The following DNMBP variants were observed in gnomAD, a reference collection of about 807,000 sequenced individuals.
DNMBP encodes the protein dynamin-binding protein.
A neutral mutation model predicts 150.0 loss-of-function variants in DNMBP; 87 were observed. That is an observed-to-expected ratio of 0.58 (90% CI 0.49 to 0.69). The LOEUF is 0.69. Ranked by LOEUF, DNMBP falls within the 30% of genes least tolerant of loss-of-function variation. The pLI, the probability that DNMBP is intolerant of heterozygous loss-of-function variation, is 0.00. For missense variants in DNMBP, 1,774 were observed against 1,949.0 expected, an observed-to-expected ratio of 0.91 and a Z score of 1.69; for synonymous variants, 711 against 750.4, an observed-to-expected ratio of 0.95 and a Z score of 0.86.
chr10:99,954,055 C>T (rs982155320), intron 4 of DNMBP, among the ~76,000 whole-genome samples: 31 of 151,324 alleles, frequency 2.0e-4, no homozygotes, highest in Non-Finnish European at 3.2e-4. Flanking sequence ...TTTTTGGAGA[C>T]AGGGTCTCAC....
chr10:100,003,747 G>A (rs2041040227), intron 1 of DNMBP, among the ~76,000 whole-genome samples: 1 of 152,062 alleles, frequency 6.6e-6, no homozygotes, highest in Non-Finnish European at 1.5e-5. Flanking sequence ...TGGGTGTGGT[G>A]GCTGCAGTGA....
chr10:99,949,020 TTTTAA>T (rs1406486356), intron 4 of DNMBP, among the ~76,000 whole-genome samples: 2 of 134,788 alleles, frequency 1.5e-5, no homozygotes, highest in South Asian at 4.8e-4. Flanking sequence ...AAATGCAGAG[TTTTAA>T]GAAGAGGCAG....
chr10:99,914,314 T>G (rs111353496), intron 4 of DNMBP, among the ~76,000 whole-genome samples: 10,742 of 152,238 alleles, frequency 0.071, 598 homozygotes, highest in African/African-American at 0.16. Flanking sequence ...CTCTTCCTTT[T>G]CTACCCCATG....
Position 99,930,150 on chromosome 10 carries a change from T to C in DNMBP, c.2261-21004A>G, listed in dbSNP as rs777886657. On this transcript the variant is annotated intron_variant, in intron 4 of 16. Transcript: ENST00000324109. ...ATCAGGATAACTCCCAGGAACATGA[T>C]ATAAATTGCTGTGTTCTCTACAATA... 30 of 702,872 alleles carry C rather than the reference T, an allele frequency of 4.3e-5. 1 individual carries two copies. The highest frequency in any genetic ancestry group is 3.7e-4 in the South Asian group (25 of 67,606). The allele number at this position is 702,872 out of a possible 1,614,324, so 43.5% of individuals were successfully genotyped here. A position where few individuals can be genotyped will look rare whatever the true frequency, so the allele number is the denominator to read the frequency against.
At chr10:99,916,496 T>C (rs545942915) in intron 4 of DNMBP, among the ~76,000 whole-genome samples, 45 of 152,326 alleles carry the variant, frequency 3.0e-4, no homozygotes, top group African/African-American at 1.0e-3. Flanking sequence ...AGTTGTGTCA[T>C]ACACAGAAAA....
chr10:99,887,633 G>A (rs951413079), intron 12 of DNMBP, among the ~76,000 whole-genome samples: 2 of 152,136 alleles, frequency 1.3e-5, no homozygotes. Flanking sequence ...GTAGTACTTA[G>A]TAGCATCTTA....
chr10:99,993,104 G>T (rs2040914111), intron 1 of DNMBP, among the ~76,000 whole-genome samples: 1 of 152,132 alleles, frequency 6.6e-6, no homozygotes, highest in South Asian at 2.1e-4. Context: ...GGGTTGTAAT[G>T]AAATTAATAT....
At chr10:99,914,967 A>T (rs969606401) in intron 4 of DNMBP, among the ~76,000 whole-genome samples, 1 of 151,098 alleles carries the variant, frequency 6.6e-6, no homozygotes, top group South Asian at 2.1e-4. Flanking sequence ...GGTGGCACAC[A>T]CTTGTAATCC....
At chr10:99,931,314 A>G (rs574783545) in intron 4 of DNMBP, among the ~76,000 whole-genome samples, 2 of 152,298 alleles carry the variant, frequency 1.3e-5, no homozygotes, top group East Asian at 3.9e-4. Flanking sequence ...GAAACCTTTC[A>G]GGACTTCATC....
chr10:99,888,255 G>A (rs2133205460), intron 12 of DNMBP, among the ~76,000 whole-genome samples: 1 of 151,392 alleles, frequency 6.6e-6, no homozygotes, highest in African/African-American at 2.4e-5. Context: ...CTGTTGCCCA[G>A]GCTGGAGTAC....
intron 3 of DNMBP, among the ~76,000 whole-genome samples, chr10:99,959,403 T>C (rs902120091): frequency 6.6e-6 from 1 of 152,090 alleles, no homozygotes; most frequent in Non-Finnish European, 1.5e-5. Flanking sequence ...GGAGAGTCAC[T>C]TGAACCTGGG....
chr10:99,992,276 A>G (rs2040902989), intron 1 of DNMBP, among the ~76,000 whole-genome samples: 1 of 150,524 alleles, frequency 6.6e-6, no homozygotes, highest in Non-Finnish European at 1.5e-5. Flanking sequence ...AGTTAAGAGC[A>G]CAGACTATAG....
intron 1 of DNMBP, among the ~76,000 whole-genome samples, chr10:99,996,145 T>C (rs1350917893): frequency 6.6e-6 from 1 of 152,202 alleles, no homozygotes; most frequent in Admixed American, 6.5e-5. Flanking sequence ...TTTTAAACGT[T>C]TGGAATCACA....
chr10:99,931,360 G>T (rs79822253), intron 4 of DNMBP, among the ~76,000 whole-genome samples: 2,549 of 152,216 alleles, frequency 0.017, 39 homozygotes, highest in African/African-American at 0.037. Context: ...TGACTGCTTT[G>T]CTTTTCTGGA....
chr10:99,885,787 TGGA>T lies in DNMBP; in HGVS notation c.3695_3697del (p.Leu1232del), dbSNP rs1336671508. The T allele has an allele frequency of 1.2e-6, 2 of 1,612,026 alleles. No individual in the cohort carries two copies. The highest frequency in any genetic ancestry group is 1.3e-5 in the African/African-American group (1 of 74,926). Reference sequence around the variant, plus strand: ...AGACTCCGGGAAGAAGGTAAAAACCTGGAGTTGCTGCAGAACTCTGCTGTGCTC... The same window carrying T: ...AGACTCCGGGAAGAAGGTAAAAACCTGTTGCTGCAGAACTCTGCTGTGCTC... On this transcript the variant is annotated inframe_deletion, in exon 14 of 17. Transcript: ENST00000324109.
At chr10:99,886,167 C>T in intron 13 of DNMBP, 133 bp downstream of exon 13, 1 of 786,792 alleles carries the variant, frequency 1.3e-6, no homozygotes, top group Non-Finnish European at 2.0e-6. Flanking sequence ...TTAAGATTTC[C>T]TGAGGGATGA....
At chr10:99,930,521 A>G (rs2040140162) in intron 4 of DNMBP, 1 of 702,694 alleles carries the variant, frequency 1.4e-6, no homozygotes, top group African/African-American at 1.7e-5. Flanking sequence ...GTGCTTCCCC[A>G]CAGTCCATAT....
chr10:99,920,101 G>A (rs1408512398), intron 4 of DNMBP, among the ~76,000 whole-genome samples: 5 of 150,636 alleles, frequency 3.3e-5, no homozygotes, highest in Non-Finnish European at 5.9e-5. Flanking sequence ...TTGAGACAGA[G>A]TTTTGCTCTT....
chr10:99,893,579 C>T (rs2133216983), intron 11 of DNMBP, among the ~76,000 whole-genome samples: 1 of 152,248 alleles, frequency 6.6e-6, no homozygotes, highest in East Asian at 1.9e-4. Context: ...ATTAAAAATA[C>T]AAAAATTAGC....
Sources: allele counts gnomAD v4.1 joint callset (sites outside exome capture counted in the v4.1 genomes callset), GRCh38; gene constraint gnomAD v4.1.1; transcripts MANE v1.5; gene names NCBI Gene and HGNC (gene_info 2026-07-23, HGNC 2026-07-21).